The following ZNF577 variants were observed in gnomAD, a reference collection of about 807,000 sequenced individuals.
ZNF577 encodes the protein zinc finger protein 577.
A neutral mutation model predicts 13.9 loss-of-function variants in ZNF577; 14 were observed. That is an observed-to-expected ratio of 1.00 (90% CI 0.66 to 1.57). The LOEUF is 1.57. Ranked by LOEUF, ZNF577 falls within the 40% of genes most tolerant of loss-of-function variation. The pLI is 0.00. For synonymous variants in ZNF577, 203 were observed against 202.9 expected, an observed-to-expected ratio of 1.00 and a Z score of 0.00; for missense variants, 555 against 579.2, an observed-to-expected ratio of 0.96 and a Z score of 0.43.
intron 5 of ZNF577, among the ~76,000 whole-genome samples, chr19:51,855,081 C>T (rs953934596): frequency 6.6e-6 from 1 of 152,150 alleles, no homozygotes; most frequent in Non-Finnish European, 1.5e-5. Flanking sequence ...CAGTTGACAA[C>T]CTCATTTCCT....
chr19:51,859,136 G>A (rs181248897), intron 5 of ZNF577, among the ~76,000 whole-genome samples: 3 of 152,160 alleles, frequency 2.0e-5, no homozygotes, highest in African/African-American at 7.2e-5. Flanking sequence ...TATGTTTTTT[G>A]GGGCTCATTC....
intron 5 of ZNF577, among the ~76,000 whole-genome samples, chr19:51,854,808 A>G (rs2084401712): frequency 6.6e-6 from 1 of 152,008 alleles, no homozygotes; most frequent in Non-Finnish European, 1.5e-5. Flanking sequence ...TGTTTCTAAG[A>G]GTCTGTTCAC....
chr19:51,815,000 G>T (rs111884020), intron 9 of ZNF577, among the ~76,000 whole-genome samples: 3,183 of 151,660 alleles, frequency 0.021, 123 homozygotes, highest in African/African-American at 0.074. Context: ...AGTAGAGGCG[G>T]GGTTTCACCT....
chr19:51,832,856 T>C (rs911300096), intron 9 of ZNF577, among the ~76,000 whole-genome samples: 3 of 152,052 alleles, frequency 2.0e-5, no homozygotes, highest in Non-Finnish European at 4.4e-5. Flanking sequence ...TGTGGATCTA[T>C]TTCCGGACTC....
intron 5 of ZNF577, chr19:51,860,925 C>T (rs2084491574): frequency 7.2e-6 from 3 of 417,718 alleles, no homozygotes; most frequent in Middle Eastern, 3.3e-4. Flanking sequence ...TGTGATTCTT[C>T]TTAGCTTTCC....
intron 4 of ZNF577, chr19:51,877,843 A>T (rs957778278): frequency 6.3e-6 from 1 of 157,778 alleles, no homozygotes; most frequent in Non-Finnish European, 1.4e-5. Context: ...CAAGCGCTAA[A>T]ACATGGAAGC....
At chr19:51,837,791 C>T (rs933554225) in intron 9 of ZNF577, among the ~76,000 whole-genome samples, 8 of 152,106 alleles carry the variant, frequency 5.3e-5, no homozygotes, top group Non-Finnish European at 8.8e-5. Flanking sequence ...ATGATGGTTA[C>T]ATGATAATAT....
rs2084642909 is a variant in ZNF577 at position 51,870,546 on chromosome 19, A to T, written c.*1986T>A. Among the ~76,000 whole-genome samples the T allele has an allele frequency of 6.6e-6, 1 of 152,138 alleles. No individual in the cohort carries two copies. The highest frequency in any genetic ancestry group is 1.5e-5 in the Non-Finnish European group (1 of 68,012). ...AGGCGTTTCCACTCCAGCTGGTGGA[A>T]ATGCTTGTGTGTAATCCAAGGATTT... On this transcript the variant is annotated 3_prime_UTR_variant, in exon 6 of 6. Transcript: ENST00000638348.
chr19:51,880,605 A>G (rs1242227558), intron 2 of ZNF577, 74 bp downstream of exon 2: 8 of 579,304 alleles, frequency 1.4e-5, no homozygotes, highest in African/African-American at 1.3e-4. Context: ...TATCTCATTT[A>G]ACCAGACTGT....
chr19:51,810,056 G>A (rs1220826028), intron 10 of ZNF577, among the ~76,000 whole-genome samples: 1 of 152,166 alleles, frequency 6.6e-6, no homozygotes, highest in Non-Finnish European at 1.5e-5. Flanking sequence ...TGCATTGTAA[G>A]GTCCTTTCTG....
At chr19:51,875,065 G>A (rs1181505083) in intron 5 of ZNF577, among the ~76,000 whole-genome samples, 1 of 152,000 alleles carries the variant, frequency 6.6e-6, no homozygotes, top group Non-Finnish European at 1.5e-5. Context: ...ACACAAAGGA[G>A]ATAAAAGTCA....
Position 51,824,265 on chromosome 19 carries a change from G to T in ZNF577, c.*600-12591C>A. The T allele has an allele frequency of 6.2e-7, 1 of 1,614,164 alleles. No individual in the cohort carries two copies. The highest frequency in any genetic ancestry group is 1.1e-5 in the South Asian group (1 of 91,078). Reference sequence around the variant, plus strand: ...GACTACAATAAGTACTACGAATGGGGACACATACTGTATTTTCAACTTTGC... The same window carrying T: ...GACTACAATAAGTACTACGAATGGGTACACATACTGTATTTTCAACTTTGC... On this transcript the variant is annotated intron_variant and NMD_transcript_variant, in intron 9 of 10. Transcript: ENST00000638827. This position sits in a 1 kb window ranked among gnomAD's most constrained non-coding sequence, Gnocchi z 4.7.
intron 5 of ZNF577, among the ~76,000 whole-genome samples, chr19:51,852,542 A>G (rs941907748): frequency 2.6e-5 from 4 of 152,218 alleles, no homozygotes; most frequent in Admixed American, 6.5e-5. Context: ...TAGAGCAAAG[A>G]ATACATTCCC....
chr19:51,878,584 C>A, intron 3 of ZNF577, 69 bp from the exon 4 acceptor site: 1 of 1,580,284 alleles, frequency 6.3e-7, no homozygotes, highest in East Asian at 2.2e-5. Context: ...GGGACGGGGA[C>A]ATGTCTTGAT....
chr19:51,838,671 A>G (rs947632793), intron 9 of ZNF577, among the ~76,000 whole-genome samples: 1 of 149,932 alleles, frequency 6.7e-6, no homozygotes, highest in Non-Finnish European at 1.5e-5. Context: ...AAGTTTAAAT[A>G]TGCGTTTAAC....
At chr19:51,852,250 C>T (rs767799414) in intron 5 of ZNF577, among the ~76,000 whole-genome samples, 2 of 152,206 alleles carry the variant, frequency 1.3e-5, no homozygotes, top group African/African-American at 2.4e-5. Context: ...TGCCACCAGA[C>T]AGCGTGCTGG....
chr19:51,823,290 G>T (rs759727759), intron 9 of ZNF577, among the ~76,000 whole-genome samples: 2 of 152,134 alleles, frequency 1.3e-5, no homozygotes, highest in Non-Finnish European at 2.9e-5. Context: ...CCTCACAGTG[G>T]GAGGGACAGG....
At chr19:51,819,937 A>G (rs987838435) in intron 9 of ZNF577, among the ~76,000 whole-genome samples, 1 of 152,228 alleles carries the variant, frequency 6.6e-6, no homozygotes, top group African/African-American at 2.4e-5. Flanking sequence ...TTTCTTGGGA[A>G]GACGAGAGAC....
At chr19:51,874,926 A>G (rs2084732057) in intron 5 of ZNF577, among the ~76,000 whole-genome samples, 1 of 152,222 alleles carries the variant, frequency 6.6e-6, no homozygotes. Context: ...ACTGCTCAGT[A>G]TGTGGCTTAA....
Sources: gnomAD v4.1 joint callset for allele counts (sites outside exome capture counted in the v4.1 genomes callset) on GRCh38, gnomAD v4.1.1 for gene constraint, Gnocchi (gnomAD v3.1) non-coding constraint, MANE v1.5 for transcripts, NCBI Gene and HGNC (gene_info 2026-07-23, HGNC 2026-07-21) for gene names.